PRKDC: variants seen among roughly 807,000 people sequenced by gnomAD.
PRKDC encodes DNA-dependent protein kinase catalytic subunit.
In PRKDC, 82 loss-of-function variants were observed where a neutral mutation model predicts 486.9. The observed-to-expected ratio is 0.17, with a 90% CI of 0.14 to 0.20. The LOEUF (loss-of-function observed/expected upper bound fraction) is 0.20. Among genes scored for constraint, PRKDC ranks in the 10% least tolerant of loss-of-function variants. The probability of loss-of-function intolerance (pLI) is 1.00; values close to 1 mark genes in which losing one functional copy is unlikely to be tolerated. For missense variants in PRKDC, 4,504 were observed against 5,038.2 expected (o/e 0.89, Z 3.21); for synonymous variants, 1,895 against 1,837.0 (o/e 1.03, Z -0.81).
chr8:47,934,914 G>A, intron 14 of PRKDC, 95 bp downstream of exon 14: 1 of 930,650 alleles, frequency 1.1e-6, no homozygotes, highest in Non-Finnish European at 1.6e-6. Context: ...GAAAAGAACG[G>A]CCACTTTTGC....
At chr8:47,824,874 G>A (rs770048624) in intron 63 of PRKDC, among the ~76,000 whole-genome samples, 7 of 152,166 alleles carry the variant, frequency 4.6e-5, no homozygotes, top group Non-Finnish European at 1.0e-4. Flanking sequence ...AGCCAGCCAA[G>A]GACTGCTCCC....
chr8:47,908,479 T>A (rs1417804274), intron 25 of PRKDC, among the ~76,000 whole-genome samples: 1 of 152,208 alleles, frequency 6.6e-6, no homozygotes, highest in Non-Finnish European at 1.5e-5. Flanking sequence ...TGTCTCCCTA[T>A]CTGTACAAAC....
At chr8:47,785,036 T>G (rs1421052143) in intron 77 of PRKDC, 77 bp downstream of exon 77, 1 of 1,396,992 alleles carries the variant, frequency 7.2e-7, no homozygotes, top group Middle Eastern at 1.8e-4. Context: ...AGTATCACTA[T>G]TCCAGAAACC....
intron 46 of PRKDC, among the ~76,000 whole-genome samples, chr8:47,859,347 G>A (rs546148200): frequency 6.6e-6 from 1 of 152,212 alleles, no homozygotes; most frequent in African/African-American, 2.4e-5. Flanking sequence ...TCTGTATGGT[G>A]ACTCCCCGGG....
intron 28 of PRKDC, 111 bp from the exon 29 acceptor site, chr8:47,898,680 C>A: frequency 1.7e-6 from 1 of 591,292 alleles, no homozygotes; most frequent in Non-Finnish European, 2.6e-6. Flanking sequence ...GGTAATTTTA[C>A]TATAGATTTA....
At chr8:47,918,661 G>A (rs570216642) in intron 21 of PRKDC, among the ~76,000 whole-genome samples, 1 of 152,212 alleles carries the variant, frequency 6.6e-6, no homozygotes, top group South Asian at 2.1e-4. Context: ...CATCACACTC[G>A]GGCCAAATCT....
intron 73 of PRKDC, among the ~76,000 whole-genome samples, chr8:47,795,745 G>A (rs909361421): frequency 1.3e-5 from 2 of 151,700 alleles, no homozygotes; most frequent in Non-Finnish European, 2.9e-5. Flanking sequence ...CACCCGCTTC[G>A]GCCTCCCAAA....
chr8:47,791,622 T>C (rs1418896361), intron 74 of PRKDC, among the ~76,000 whole-genome samples: 1 of 152,042 alleles, frequency 6.6e-6, no homozygotes, highest in Non-Finnish European at 1.5e-5. Context: ...AACAGGTATA[T>C]AAAAACATGC....
intron 1 of PRKDC, 145 bp from the exon 2 acceptor site, chr8:47,957,576 T>C (rs2090727038): frequency 6.2e-6 from 4 of 644,696 alleles, no homozygotes; most frequent in African/African-American, 1.8e-5. Context: ...AGCGGCGCGA[T>C]CTCGGCTCAC....
At chr8:47,936,642 G>A (rs958488313) in intron 11 of PRKDC, 125 bp from the exon 12 acceptor site, 13 of 1,094,310 alleles carry the variant, frequency 1.2e-5, no homozygotes, top group Non-Finnish European at 1.7e-5. Context: ...TTTTTGAGAC[G>A]AAGTTTCGCT....
chr8:47,848,962 A>C (rs1174879233), intron 54 of PRKDC, among the ~76,000 whole-genome samples, 192 bp downstream of exon 54: 1 of 152,214 alleles, frequency 6.6e-6, no homozygotes, highest in Admixed American at 6.5e-5. Context: ...TGCCAGGCCA[A>C]GGGAGCAGAG....
intron 34 of PRKDC, among the ~76,000 whole-genome samples, chr8:47,888,007 C>T (rs2089373854): frequency 6.6e-6 from 1 of 152,154 alleles, no homozygotes; most frequent in Non-Finnish European, 1.5e-5. Flanking sequence ...GGGTCCGCGG[C>T]ACCCACTCCT....
chr8:47,929,821 G>A (rs780622808), intron 18 of PRKDC, 32 bp downstream of exon 18: 15 of 1,566,914 alleles, frequency 9.6e-6, no homozygotes, highest in East Asian at 9.1e-5. Context: ...CTAAAAAAAC[G>A]CAAGATTCAA....
chr8:47,820,935 A>G lies in PRKDC; in HGVS notation c.9120T>C (p.Tyr3040=), dbSNP rs779319179. The G allele has an allele frequency of 2.1e-5, 33 of 1,585,108 alleles. No homozygotes were observed. The highest frequency in any genetic ancestry group is 2.8e-5 in the Non-Finnish European group (32 of 1,163,456). The change falls in exon 66 of 86, where the codon TAT becomes TAC. Residue 3040 remains tyrosine (Y), a synonymous_variant. Coordinates refer to ENST00000314191, the MANE Select transcript of PRKDC (RefSeq NM_006904.7). ...GCTTGCTGCGGATCATGTAAGGTAG[A>G]TATGTTTCCTAAGGAACATAAAAAT... The part of the protein sequence containing the change: ...IWSEPFYQET[Y]LPYMIRSKLK...
At chr8:47,904,806 T>TAAAC (rs1181328050) in intron 26 of PRKDC, 63 bp downstream of exon 26, 2 of 1,281,310 alleles carry the variant, frequency 1.6e-6, no homozygotes, top group African/African-American at 1.5e-5. Context: ...CATAAATAAA[T>TAAAC]AAACAAACAT....
chr8:47,890,203 T>C (rs953593109), intron 32 of PRKDC, 54 bp downstream of exon 32: 6 of 1,283,500 alleles, frequency 4.7e-6, no homozygotes, highest in East Asian at 2.6e-5. Flanking sequence ...ACAGAAACCT[T>C]TGAAGTAGTT....
chr8:47,807,573 T>TACC (rs1262731504), intron 68 of PRKDC, among the ~76,000 whole-genome samples: 7 of 142,622 alleles, frequency 4.9e-5, no homozygotes, highest in East Asian at 4.3e-4. Flanking sequence ...CGCCTGCCAC[T>TACC]ACACCCGGCT....
chr8:47,819,513 TAAA>T lies in PRKDC; in HGVS notation c.9337-6_9337-4del, dbSNP rs11311765. 2.2e-3 allele frequency: 1,192 copies of T among 549,422 alleles called. No homozygotes were observed. The highest frequency in any genetic ancestry group is 5.8e-3 in the East Asian group (154 of 26,656). The allele number at this position is 549,422 out of a possible 1,614,324, so 34.0% of individuals were successfully genotyped here. A position where few individuals can be genotyped will look rare whatever the true frequency, so the allele number is the denominator to read the frequency against. On this transcript the variant is annotated splice_region_variant and splice_polypyrimidine_tract_variant and intron_variant, in intron 66 of 85. Transcript: ENST00000314191. ...AGGACATCAATACTAGAATAATTCT[TAAA>T]AAAAAAAAAAAAAAAAAAGGGCATT...
rs373856605 is a variant in PRKDC, at chr8:47,959,998, G to A, written c.129C>T (p.Val43=). 7.5e-5 allele frequency: 115 copies of A among 1,534,948 alleles called. 1 individual carries two copies. The Middle Eastern group carries it at 3.1e-3, about 41-fold the overall frequency. The change falls in exon 1 of 86, where the codon GTC becomes GTT. Residue 43 remains valine, a synonymous_variant. Transcript: ENST00000314191. ...QLIRGLGQEC[V]LSSSPAVLAL... is the part of the protein sequence containing the mutation. The stretch of plus-strand genomic sequence containing the variant: ...CCAGCACCGCGGGGCTGCTGCTCAG[G>A]ACGCATTCCTGCCCCAGGCCGCGGA...
Sources: gnomAD v4.1 joint callset for allele counts (sites outside exome capture counted in the v4.1 genomes callset) on GRCh38, gnomAD v4.1.1 for gene constraint, MANE v1.5 for transcripts, NCBI Gene and HGNC (gene_info 2026-07-23, HGNC 2026-07-21) for gene names.